The following OR2AK2 variants were observed in gnomAD, a reference collection of about 807,000 sequenced individuals.
OR2AK2 encodes the protein olfactory receptor 2AK2.
For missense variants in OR2AK2, 392 were observed against 384.1 expected (o/e 1.02, Z -0.17); for synonymous variants, 139 against 147.2 (o/e 0.94, Z 0.40).
exon 1 of OR2AK2, chr1:247,966,270 G>A (rs1264373316): frequency 5.6e-6 from 9 of 1,613,366 alleles, no homozygotes; most frequent in Admixed American, 1.7e-5. Context: ...AGGAAGTGAC[G>A]GGGGCAGTGA....
chr1:247,965,908 T>C, exon 1 of OR2AK2: 1 of 1,612,696 alleles, frequency 6.2e-7, no homozygotes, highest in Non-Finnish European at 8.5e-7. Flanking sequence ...TAACCACTTT[T>C]TCTGTGAAGT....
In OR2AK2 at chr1:247,965,534, C is replaced by T. The variant is rs756322710; in HGVS notation, c.158C>T (p.Thr53Ile). 7 of 1,612,840 alleles carry T rather than the reference C, an allele frequency of 4.3e-6. No individual in the cohort carries two copies. In the Admixed American group the frequency reaches 1.0e-4, roughly 23 times the overall value. ...CTGATCCACCTCATTCGACTGAACA[C>T]CAGACTCCACACTCCAATGTACTTT... The change falls in exon 1 of 1, where the codon ACC (threonine) becomes ATC (isoleucine). Residue 53 changes from threonine (T) to isoleucine (I), a missense_variant. Thr to Ile is a moderately conservative substitution (Grantham distance 89, BLOSUM62 -1). Transcript: ENST00000366480.
chr1:247,965,277 T>A lies in OR2AK2; in HGVS notation c.-100T>A, dbSNP rs1660939486. 12 of 1,367,816 alleles carry A rather than the reference T, an allele frequency of 8.8e-6. No individual in the cohort carries two copies. The South Asian group carries it at 1.5e-4, about 17-fold the overall frequency. The allele number at this position is 1,367,816 out of a possible 1,614,324, so 84.7% of individuals were successfully genotyped here. ...GTTGCCAAACATGTAAGTGAATATT[T>A]ATTTCTGAATGCCATGTCATTTTAC... On this transcript the variant is annotated 5_prime_UTR_variant, in exon 1 of 1. Coordinates refer to ENST00000366480, the Ensembl canonical transcript of OR2AK2.
exon 1 of OR2AK2, chr1:247,965,909 T>G (rs776785144): frequency 1.9e-6 from 3 of 1,612,302 alleles, no homozygotes; most frequent in Non-Finnish European, 2.5e-6. Flanking sequence ...AACCACTTTT[T>G]CTGTGAAGTT....
In OR2AK2 at chr1:247,965,257, C is replaced by T. The variant is rs1393218530; in HGVS notation, c.-120C>T. The T allele has an allele frequency of 4.0e-6, 5 of 1,240,974 alleles. No homozygotes were observed. The East Asian group carries it at 1.0e-4, about 26-fold the overall frequency. The allele number at this position is 1,240,974 out of a possible 1,614,324, so 76.9% of individuals were successfully genotyped here. On this transcript the variant is annotated 5_prime_UTR_variant, in exon 1 of 1. Transcript: ENST00000366480. ...GTGCTCTAAACATGTAGATAGTTGC[C>T]AAACATGTAAGTGAATATTTATTTC... is the stretch of plus-strand genomic sequence containing the variant.
exon 1 of OR2AK2, chr1:247,966,362 G>A: frequency 6.3e-7 from 1 of 1,581,908 alleles, no homozygotes. Context: ...AACATAAAAA[G>A]CTGTTCCTGA....
exon 1 of OR2AK2, chr1:247,965,993 T>C: frequency 6.2e-7 from 1 of 1,612,234 alleles, no homozygotes; most frequent in South Asian, 1.1e-5. Flanking sequence ...GGACTTATTA[T>C]CTTGCTACTA....
At position 247,965,862 on chromosome 1, in the gene OR2AK2, T is replaced by C. The variant is rs182850766; in HGVS notation, c.486T>C (p.Tyr162=). The C allele has an allele frequency of 2.1e-5, 34 of 1,613,878 alleles. No individual in the cohort carries two copies. The Admixed American group carries it at 3.7e-4, about 17-fold the overall frequency. ...TCAATGCTTTCATACATACATTGTA[T>C]GTGTTTCAGCTTCCATTCTGTAGGT... The change falls in exon 1 of 1, where the codon TAT becomes TAC. Residue 162 remains tyrosine (Y), a synonymous_variant. Coordinates refer to ENST00000366480, the Ensembl canonical transcript of OR2AK2.
chr1:247,965,514 C>A (rs1399022882), exon 1 of OR2AK2: 1 of 1,613,316 alleles, frequency 6.2e-7, no homozygotes, highest in East Asian at 2.2e-5. Context: ...TCATGCTGAT[C>A]CACCTCATTC....
At position 247,965,677 on chromosome 1, in the gene OR2AK2, A is replaced by G. The variant is rs764305983; in HGVS notation, c.301A>G (p.Thr101Ala). The G allele has an allele frequency of 1.7e-5, 27 of 1,549,172 alleles. No individual in the cohort carries two copies. The East Asian group carries it at 5.6e-4, about 32-fold the overall frequency. Residue 101 changes from threonine (T) to alanine (A), a missense_variant, in exon 1 of 1, where the codon ACG becomes GCG. Coordinates refer to ENST00000366480, the Ensembl canonical transcript of OR2AK2. ...TAGATTTTTGGGCTGTGAGATTCAAACGTATGTGTTCTTGGCCCTTGGTGG... is the reference window on the plus strand; with the variant it reads ...TAGATTTTTGGGCTGTGAGATTCAAGCGTATGTGTTCTTGGCCCTTGGTGG...
chr1:247,965,969 C>T (rs1217086615), exon 1 of OR2AK2: 1 of 1,609,258 alleles, frequency 6.2e-7, no homozygotes, highest in Non-Finnish European at 8.5e-7. Context: ...TATGAGTATA[C>T]AGTCCTCCTG....
exon 1 of OR2AK2, chr1:247,965,802 C>T (rs1056232166): frequency 6.2e-7 from 1 of 1,607,388 alleles, no homozygotes. Context: ...AGATCTGCTG[C>T]CTCATGGTTG....
exon 1 of OR2AK2, chr1:247,965,521 A>G (rs759600821): frequency 1.2e-5 from 19 of 1,613,178 alleles, no homozygotes; most frequent in Non-Finnish European, 1.5e-5. Flanking sequence ...GATCCACCTC[A>G]TTCGACTGAA....
chr1:247,965,463 C>T (rs553628230), exon 1 of OR2AK2: 6 of 1,613,730 alleles, frequency 3.7e-6, no homozygotes, highest in South Asian at 2.2e-5. Flanking sequence ...TTCTCTTTGT[C>T]GTCATTGCCA....
rs763684660 is a variant in OR2AK2 at position 247,965,873 on chromosome 1, T to C, written c.497T>C (p.Leu166Pro). Residue 166 changes from leucine to proline, a missense_variant, in exon 1 of 1, where the codon CTT becomes CCT. Coordinates refer to ENST00000366480, the Ensembl canonical transcript of OR2AK2. ...ATACATACATTGTATGTGTTTCAGC[T>C]TCCATTCTGTAGGTCTCGGCTCATT... 2.5e-6 allele frequency: 4 copies of C among 1,613,860 alleles called. No individual in the cohort carries two copies. In the East Asian group the frequency reaches 6.7e-5, roughly 27 times the overall value.
At position 247,965,551 on chromosome 1, in the gene OR2AK2, A is replaced by T. The variant is rs749585695; in HGVS notation, c.175A>T (p.Met59Leu). The T allele has an allele frequency of 3.7e-5, 59 of 1,610,364 alleles. No homozygotes were observed. Among genetic ancestry groups the T allele is most frequent in the Non-Finnish European group, 4.7e-5 (55 of 1,178,408 alleles). Residue 59 changes from methionine to leucine, a missense_variant, in exon 1 of 1, where the codon ATG becomes TTG. Coordinates refer to ENST00000366480, the Ensembl canonical transcript of OR2AK2. The stretch of plus-strand genomic sequence containing the variant: ...ACTGAACACCAGACTCCACACTCCA[A>T]TGTACTTTCTGCTCAGTCAGCTCTC...
chr1:247,965,649 C>T, exon 1 of OR2AK2: 1 of 1,547,668 alleles, frequency 6.5e-7, no homozygotes, highest in East Asian at 2.3e-5. Flanking sequence ...AGAGTAAGAC[C>T]ATTAGATTTT....
In OR2AK2 at chr1:247,965,667, T is replaced by TGA; in HGVS notation, c.294_295dup (p.Ile99ArgfsTer27). The TGA allele has an allele frequency of 6.5e-7, 1 of 1,546,744 alleles. No homozygotes were observed. Among genetic ancestry groups the TGA allele is most frequent in the Non-Finnish European group, 8.7e-7 (1 of 1,149,658 alleles). On this transcript the variant is annotated frameshift_variant, in exon 1 of 1. Coordinates refer to ENST00000366480, the Ensembl canonical transcript of OR2AK2. LOFTEE classifies it low-confidence loss of function (END_TRUNC). The stretch of plus-strand genomic sequence containing the variant: ...GTAAGACCATTAGATTTTTGGGCTG[T>TGA]GAGATTCAAACGTATGTGTTCTTGG...
chr1:247,966,265 G>C, exon 1 of OR2AK2: 1 of 1,613,550 alleles, frequency 6.2e-7, no homozygotes. Flanking sequence ...AAATAAGGAA[G>C]TGACGGGGGC....
Sources: gnomAD v4.1 joint callset for allele counts on GRCh38, gnomAD v4.1.1 for gene constraint, MANE v1.5 for transcripts, NCBI Gene and HGNC (gene_info 2026-07-23, HGNC 2026-07-21) for gene names.